Variants in TCERG1L observed in about 807,000 individuals in gnomAD.
TCERG1L encodes transcription elongation regulator 1-like protein.
TCERG1L carries 37 observed loss-of-function variants against 56.3 expected under a neutral mutation model. The observed-to-expected ratio is 0.66, with a 90% CI of 0.51 to 0.87. The LOEUF is 0.87. TCERG1L is among the 40% of genes least tolerant of loss of function. TCERG1L has a pLI of 0.00. For synonymous variants in TCERG1L, 324 were observed against 326.3 expected (o/e 0.99, Z 0.08); for missense variants, 799 against 774.2 (o/e 1.03, Z -0.38).
At chr10:131,098,265 C>A in intron 11 of TCERG1L, 41 bp downstream of exon 11, 25 of 1,542,554 alleles carry the variant, frequency 1.6e-5, no homozygotes, top group Non-Finnish European at 2.1e-5. Flanking sequence ...TTGGTAAGTT[C>A]CCAGCCCCAG....
chr10:131,229,172 T>A (rs904022441), intron 4 of TCERG1L, among the ~76,000 whole-genome samples: 2 of 150,980 alleles, frequency 1.3e-5, no homozygotes, highest in East Asian at 2.0e-4. Context: ...GCCTCACGAG[T>A]CTCCCCTCCA....
chr10:131,257,002 A>AAAGG (rs1589763588), intron 4 of TCERG1L, among the ~76,000 whole-genome samples: 1 of 116,026 alleles, frequency 8.6e-6, no homozygotes, highest in East Asian at 2.3e-4. Flanking sequence ...GGAAAGAAAG[A>AAAGG]AAGAAAGAAA....
chr10:131,245,419 T>TA (rs1564824396), intron 4 of TCERG1L, among the ~76,000 whole-genome samples: 2 of 111,022 alleles, frequency 1.8e-5, no homozygotes, highest in African/African-American at 2.7e-5. Context: ...AATTTTTTTT[T>TA]TAAAAAAACT....
chr10:131,206,340 G>A (rs556074883), intron 4 of TCERG1L, among the ~76,000 whole-genome samples: 7 of 152,276 alleles, frequency 4.6e-5, no homozygotes, highest in South Asian at 4.1e-4. Flanking sequence ...GGGGGTCCTG[G>A]AGTGAAGACC....
At chr10:131,142,333 A>G (rs1025279880) in intron 7 of TCERG1L, among the ~76,000 whole-genome samples, 11 of 152,020 alleles carry the variant, frequency 7.2e-5, no homozygotes, top group Admixed American at 4.6e-4. Flanking sequence ...GGTCCCCCCA[A>G]GTGCCCCGGC....
intron 7 of TCERG1L, among the ~76,000 whole-genome samples, chr10:131,138,039 T>C (rs1168927566): frequency 6.6e-6 from 1 of 152,084 alleles, no homozygotes; most frequent in Non-Finnish European, 1.5e-5. Context: ...GACGCAGAGG[T>C]GGGCAGATCA....
intron 4 of TCERG1L, among the ~76,000 whole-genome samples, chr10:131,221,140 C>T (rs1369247528): frequency 2.6e-5 from 4 of 152,244 alleles, no homozygotes; most frequent in African/African-American, 9.6e-5. Flanking sequence ...TGCCTCCTCT[C>T]CAACTCCCTG....
Position 131,260,390 on chromosome 10 carries a change from G to C in TCERG1L, c.725C>G (p.Thr242Ser), listed in dbSNP as rs1446608879. The change falls in exon 4 of 12, where the codon ACC becomes AGC. Residue 242 changes from threonine (T) to serine (S), a missense_variant. Physicochemically the swap from Thr to Ser is moderately conservative, Grantham distance 58. Coordinates refer to ENST00000368642, the MANE Select transcript of TCERG1L (RefSeq NM_174937.4). The surrounding 1 kb of genome is among the most constrained non-coding windows in gnomAD (Gnocchi z 5.8). ...GGAGACCATGGCAGCGGCGGCGGCG[G>C]TGGCGATGGCAATGGCGGGGCTGCT... ...VTSSPAIAIATAAAAAMVSVD... is the reference protein window; with the variant it reads ...VTSSPAIAIASAAAAAMVSVD... The C allele has an allele frequency of 4.0e-6, 6 of 1,487,036 alleles. No individual in the cohort carries two copies. The highest frequency in any genetic ancestry group is 2.9e-5 in the Admixed American group (1 of 34,110). The allele number at this position is 1,487,036 out of a possible 1,614,324, so 92.1% of individuals were successfully genotyped here.
At chr10:131,151,630 TG>T (rs1845869062) in intron 6 of TCERG1L, among the ~76,000 whole-genome samples, 2 of 152,126 alleles carry the variant, frequency 1.3e-5, no homozygotes, top group Non-Finnish European at 2.9e-5. Flanking sequence ...AAGCTGTAGG[TG>T]AATCTACCAT....
intron 3 of TCERG1L, among the ~76,000 whole-genome samples, chr10:131,281,267 A>G (rs7091095): frequency 0.036 from 5,428 of 152,294 alleles, 149 homozygotes; most frequent in East Asian, 0.087. Context: ...GCGGCCTTGC[A>G]GCTGAGCATG....
chr10:131,168,261 G>C (rs1396705030), intron 4 of TCERG1L, among the ~76,000 whole-genome samples: 2 of 152,188 alleles, frequency 1.3e-5, no homozygotes, highest in African/African-American at 4.8e-5. Context: ...GGCAAGACTG[G>C]GGGTCCCACT....
chr10:131,250,585 A>G (rs1033700419), intron 4 of TCERG1L, among the ~76,000 whole-genome samples: 2 of 152,124 alleles, frequency 1.3e-5, no homozygotes, highest in African/African-American at 2.4e-5. Context: ...GCTGTCACTC[A>G]TCGCTTGCCT....
At chr10:131,182,041 CAT>C (rs567895361) in intron 4 of TCERG1L, among the ~76,000 whole-genome samples, 78 of 152,106 alleles carry the variant, frequency 5.1e-4, no homozygotes, top group Non-Finnish European at 9.3e-4. Flanking sequence ...GCACTCTGTG[CAT>C]GTGTGTGTGT....
chr10:131,198,595 GC>G (rs773375764), intron 4 of TCERG1L, among the ~76,000 whole-genome samples: 5 of 152,368 alleles, frequency 3.3e-5, no homozygotes, highest in Admixed American at 3.3e-4. Flanking sequence ...GTTCCTGGCT[GC>G]CCCCTCCCAT....
In TCERG1L at chr10:131,104,893, C is replaced by T. The variant is rs545704143; in HGVS notation, c.1396-539G>A. 2.6e-5 allele frequency among the ~76,000 whole-genome samples: 4 copies of T among 152,344 alleles called. No homozygotes were observed. In the South Asian group the frequency reaches 6.2e-4, roughly 24 times the overall value. On this transcript the variant is annotated intron_variant, in intron 9 of 11. Coordinates refer to ENST00000368642, the MANE Select transcript of TCERG1L (RefSeq NM_174937.4). ...TATACTCATACCCAGTTTCTCACGTCGTTAACATATTAGTAGGCTAGATTC... is the reference window on the plus strand; with the variant it reads ...TATACTCATACCCAGTTTCTCACGTTGTTAACATATTAGTAGGCTAGATTC...
At chr10:131,219,005 G>A (rs1163741985) in intron 4 of TCERG1L, among the ~76,000 whole-genome samples, 1 of 152,130 alleles carries the variant, frequency 6.6e-6, no homozygotes, top group Non-Finnish European at 1.5e-5. Flanking sequence ...CACTCCTCCT[G>A]GGCACTGGTC....
intron 11 of TCERG1L, among the ~76,000 whole-genome samples, chr10:131,094,286 A>C (rs1455305724): frequency 6.6e-6 from 1 of 152,210 alleles, no homozygotes; most frequent in African/African-American, 2.4e-5. Context: ...TGGCCTGGGC[A>C]GTGTGCTCTG....
In TCERG1L at chr10:131,308,345, G is replaced by A; in HGVS notation, c.536C>T (p.Pro179Leu). The A allele has an allele frequency of 1.2e-6, 2 of 1,613,948 alleles. No homozygotes were observed. Among genetic ancestry groups the A allele is most frequent in the Middle Eastern group, 1.6e-4 (1 of 6,062 alleles). Reference sequence around the variant, plus strand: ...CCCATGGAAAAACCTTGACTCCTCAGGATGTATCCACGTTGAGTCCAGAGC... The same window carrying A: ...CCCATGGAAAAACCTTGACTCCTCAAGATGTATCCACGTTGAGTCCAGAGC... ...SFALDSTWIH[P>L]EESRFFHGHE... The change falls in exon 3 of 12, where the codon CCT becomes CTT. Residue 179 changes from proline (P) to leucine (L), a missense_variant. By Grantham distance (98) the Pro-to-Leu change is moderately conservative. Transcript: ENST00000368642.
intron 4 of TCERG1L, among the ~76,000 whole-genome samples, chr10:131,221,561 T>C (rs1845731881): frequency 6.6e-6 from 1 of 152,230 alleles, no homozygotes; most frequent in Non-Finnish European, 1.5e-5. Context: ...GCTGAGGGGA[T>C]GTGGCACTCA....
Sources: allele counts gnomAD v4.1 joint callset (sites outside exome capture counted in the v4.1 genomes callset), GRCh38; gene constraint gnomAD v4.1.1; non-coding constraint Gnocchi (gnomAD v3.1); transcripts MANE v1.5; gene names NCBI Gene and HGNC (gene_info 2026-07-23, HGNC 2026-07-21).